EPM2A: variants seen among roughly 807,000 people sequenced by gnomAD.
EPM2A encodes laforin.
A neutral mutation model predicts 26.5 loss-of-function variants in EPM2A; 21 were observed. The ratio of observed to expected loss-of-function variants is 0.79; its 90% CI spans 0.56 to 1.14. The LOEUF is 1.14. Among genes scored for constraint, EPM2A ranks in the 50% most tolerant of loss-of-function variants. EPM2A has a pLI of 0.00. For synonymous variants in EPM2A, 217 were observed against 177.6 expected, an observed-to-expected ratio of 1.22 and a Z score of -1.76; for missense variants, 458 against 440.8, an observed-to-expected ratio of 1.04 and a Z score of -0.35.
In EPM2A at chr6:145,558,578, C is replaced by A. The variant is rs192613243; in HGVS notation, c.341-56003G>T. On this transcript the variant is annotated intron_variant, in intron 2 of 3. Coordinates refer to the EPM2A transcript ENST00000450221. ...ACAAGGGTTTTCTTTTCCCTGCACC[C>A]TCATGAGGTATATAGTAATATCTTA... Among the ~76,000 whole-genome samples, 3 of 152,104 alleles carry A rather than the reference C, an allele frequency of 2.0e-5. No homozygotes were observed. In the East Asian group the frequency reaches 5.8e-4, roughly 29 times the overall value.
intron 2 of EPM2A, among the ~76,000 whole-genome samples, chr6:145,585,497 G>T (rs9497355): frequency 6.6e-6 from 1 of 151,844 alleles, no homozygotes; most frequent in African/African-American, 2.4e-5. Context: ...CTGCAATGTC[G>T]AATACCATTC....
chr6:145,592,509 C>A (rs1317395005), intron 2 of EPM2A, among the ~76,000 whole-genome samples: 2 of 152,086 alleles, frequency 1.3e-5, no homozygotes, highest in Admixed American at 1.3e-4. Flanking sequence ...GATTTATAAT[C>A]CTTTGGGTAT....
At position 145,514,715 on chromosome 6, in the gene EPM2A, T is replaced by G. The variant is rs554285876; in HGVS notation, c.341-12140A>C. Among the ~76,000 whole-genome samples, 101 of 152,330 alleles carry G rather than the reference T, an allele frequency of 6.6e-4. 4 individuals carry two copies. In the South Asian group the frequency reaches 0.021, roughly 31 times the overall value. ...TTTCATTCTCATAACTAAGAAGAAC[T>G]GCTGGGTAAAGACCAGAGATGCTGT... On this transcript the variant is annotated intron_variant, in intron 2 of 3. Coordinates refer to the EPM2A transcript ENST00000450221.
At chr6:145,431,401 G>T (rs977659995) in intron 4 of EPM2A, among the ~76,000 whole-genome samples, 1 of 152,156 alleles carries the variant, frequency 6.6e-6, no homozygotes, top group Non-Finnish European at 1.5e-5. Context: ...CACAGTAAAA[G>T]AATATCTCAG....
In EPM2A at chr6:145,540,109, T is replaced by C. The variant is rs542804890; in HGVS notation, c.341-37534A>G. ...GCCGTGTCTGCCTCCAGCCTGACCC[T>C]GGTGCTTCTCCTGTGGCCCCCATGG... On this transcript the variant is annotated intron_variant, in intron 2 of 3. Transcript: ENST00000450221. Among the ~76,000 whole-genome samples, 13 of 152,332 alleles carry C rather than the reference T, an allele frequency of 8.5e-5. No individual in the cohort carries two copies. In the South Asian group the frequency reaches 2.3e-3, roughly 27 times the overall value.
At chr6:145,548,060 G>T (rs948380170) in intron 2 of EPM2A, among the ~76,000 whole-genome samples, 2 of 152,056 alleles carry the variant, frequency 1.3e-5, no homozygotes. Context: ...GGCTCCAGAT[G>T]ATTTTTCCAG....
At chr6:145,500,173 G>C (rs1461079561), downstream of EPM2A, among the ~76,000 whole-genome samples, 1 of 152,200 alleles carries the variant, frequency 6.6e-6, no homozygotes, top group Non-Finnish European at 1.5e-5. Context: ...GAAAGCTATA[G>C]AACAATCATT....
chr6:145,503,174 G>A (rs1266299720), intron 2 of EPM2A, among the ~76,000 whole-genome samples: 1 of 152,146 alleles, frequency 6.6e-6, no homozygotes, highest in Non-Finnish European at 1.5e-5. Context: ...TTTAATGTAA[G>A]AGGGCTCTTT....
At chr6:145,401,197 T>C (rs983935399) in intron 4 of EPM2A, among the ~76,000 whole-genome samples, 14 of 140,810 alleles carry the variant, frequency 9.9e-5, no homozygotes, top group Non-Finnish European at 2.0e-4. Context: ...AAGCCCAATA[T>C]GACAAAAAAA....
At chr6:145,499,358 C>G (rs1437621569), downstream of EPM2A, among the ~76,000 whole-genome samples, 1 of 152,138 alleles carries the variant, frequency 6.6e-6, no homozygotes, top group Non-Finnish European at 1.5e-5. Flanking sequence ...CCTATTCTGC[C>G]CTACCTGTTA....
chr6:145,731,294 A>T (rs1470308183), intron 1 of EPM2A, among the ~76,000 whole-genome samples: 1 of 152,208 alleles, frequency 6.6e-6, no homozygotes, highest in Non-Finnish European at 1.5e-5. Context: ...AAACCTAACA[A>T]CTTCAACAGA....
chr6:145,454,351 G>A (rs959275947), intron 4 of EPM2A, among the ~76,000 whole-genome samples: 4 of 152,140 alleles, frequency 2.6e-5, no homozygotes, highest in African/African-American at 9.7e-5. Context: ...ATGATACCAG[G>A]AAACCAGATC....
intron 1 of EPM2A, among the ~76,000 whole-genome samples, chr6:145,700,121 T>C (rs1291530654): frequency 1.3e-5 from 2 of 152,266 alleles, no homozygotes; most frequent in African/African-American, 2.4e-5. Context: ...TGATCAAAAC[T>C]TTTGGCAGTT....
At chr6:145,442,030 C>T (rs138714276) in intron 4 of EPM2A, among the ~76,000 whole-genome samples, 1 of 152,314 alleles carries the variant, frequency 6.6e-6, no homozygotes, top group African/African-American at 2.4e-5. Context: ...AAAATGCCAC[C>T]AGTCTCTGCT....
In EPM2A at chr6:145,637,584, T is replaced by C. The variant is rs185580671; in HGVS notation, c.477-2098A>G. 2.0e-5 allele frequency: 3 copies of C among 152,112 alleles called. No homozygotes were observed. In the East Asian group the frequency reaches 5.8e-4, roughly 29 times the overall value. 9.4% of individuals were successfully genotyped at this position (152,112 alleles called of 1,614,324 possible). A position where few individuals can be genotyped will look rare whatever the true frequency, so the allele number is the denominator to read the frequency against. ...AAAATGATAAAAGAAAAGTTAGAAA[T>C]GGCAAAAGACTTAATGGTGATGGAA... On this transcript the variant is annotated intron_variant, in intron 2 of 3. Transcript: ENST00000367519.
At chr6:145,409,219 T>C (rs1211329650) in intron 4 of EPM2A, among the ~76,000 whole-genome samples, 1 of 152,128 alleles carries the variant, frequency 6.6e-6, no homozygotes, top group African/African-American at 2.4e-5. Flanking sequence ...AACTTATGGT[T>C]TATTAAGTCC....
chr6:145,519,430 G>C (rs1444728270), intron 2 of EPM2A, among the ~76,000 whole-genome samples: 1 of 152,090 alleles, frequency 6.6e-6, no homozygotes, highest in Admixed American at 6.6e-5. Flanking sequence ...AGCCGCTAAT[G>C]TTTTCCCTTC....
chr6:145,545,128 C>T (rs1181890626), intron 2 of EPM2A, among the ~76,000 whole-genome samples: 1 of 152,178 alleles, frequency 6.6e-6, no homozygotes, highest in Non-Finnish European at 1.5e-5. Flanking sequence ...ATCCAGTCCA[C>T]CATTATCTTC....
intron 4 of EPM2A, among the ~76,000 whole-genome samples, chr6:145,494,777 A>G (rs975447719): frequency 3.9e-5 from 6 of 152,308 alleles, no homozygotes; most frequent in Admixed American, 3.9e-4. Context: ...TTCAATTTCC[A>G]TGTAATATAT....
Sources: allele counts gnomAD v4.1 joint callset (sites outside exome capture counted in the v4.1 genomes callset), GRCh38; gene constraint gnomAD v4.1.1; transcripts MANE v1.5; gene names NCBI Gene and HGNC (gene_info 2026-07-23, HGNC 2026-07-21).